GPC6: variants seen among roughly 807,000 people sequenced by gnomAD.
The protein encoded by GPC6 is glypican-6.
In GPC6, 14 loss-of-function variants were observed where a neutral mutation model predicts 55.2. That is an observed-to-expected ratio of 0.25 (90% confidence interval 0.17 to 0.40). The LOEUF is 0.40. GPC6 is among the 10% of genes least tolerant of loss of function. The pLI is 1.00. For synonymous variants in GPC6, 278 were observed against 259.6 expected (o/e 1.07, Z -0.68); for missense variants, 641 against 708.5 (o/e 0.90, Z 1.08).
In GPC6 at chr13:93,557,680, A is replaced by G. The variant is rs571888789; in HGVS notation, c.319+12259A>G. ...TTCCAAGTCCCCCTACAAATAGCAG[A>G]TTAGCAATCAGTGAAAACCTTCTGT... On this transcript the variant is annotated intron_variant, in intron 2 of 8. Coordinates refer to ENST00000377047, the MANE Select transcript of GPC6 (RefSeq NM_005708.5). 9.2e-5 allele frequency among the ~76,000 whole-genome samples: 14 copies of G among 152,308 alleles called. No homozygotes were observed. The South Asian group carries it at 2.7e-3, about 29-fold the overall frequency.
At chr13:93,578,649 T>C (rs950540906) in intron 2 of GPC6, among the ~76,000 whole-genome samples, 1 of 151,750 alleles carries the variant, frequency 6.6e-6, no homozygotes, top group Non-Finnish European at 1.5e-5. Context: ...TTTTGTTTTT[T>C]TTTTCCTGCA....
At chr13:93,512,496 G>A (rs1584148) in intron 1 of GPC6, among the ~76,000 whole-genome samples, 56,697 of 151,960 alleles carry the variant, frequency 0.37, 13,053 homozygotes, top group Middle Eastern at 0.57. Context: ...CATCCTTGCA[G>A]TCCTGCTATA....
At chr13:93,608,093 G>A (rs1878321798) in intron 2 of GPC6, among the ~76,000 whole-genome samples, 1 of 152,022 alleles carries the variant, frequency 6.6e-6, no homozygotes, top group Admixed American at 6.6e-5. Flanking sequence ...TTTTCAATGA[G>A]CTTGACTGAT....
chr13:93,996,928 G>A (rs1370640762), intron 3 of GPC6, among the ~76,000 whole-genome samples: 2 of 152,146 alleles, frequency 1.3e-5, no homozygotes, highest in Non-Finnish European at 2.9e-5. Context: ...TGGCCACTAA[G>A]TTTTGAATGA....
chr13:94,281,259 C>T (rs1465752168), intron 4 of GPC6, among the ~76,000 whole-genome samples: 3 of 152,048 alleles, frequency 2.0e-5, no homozygotes, highest in Non-Finnish European at 4.4e-5. Flanking sequence ...TATACATGTG[C>T]CATGGTGGTT....
In GPC6 at chr13:94,349,940, T is replaced by C. The variant is rs997769138; in HGVS notation, c.1153-32474T>C. Reference sequence around the variant, plus strand: ...AAATTTCCCGAAATCCAAGGGAAGATGTTCCCAACAATTCGAGTTTGTTGA... The same window carrying C: ...AAATTTCCCGAAATCCAAGGGAAGACGTTCCCAACAATTCGAGTTTGTTGA... On this transcript the variant is annotated intron_variant, in intron 6 of 8. Coordinates refer to ENST00000377047, the MANE Select transcript of GPC6 (RefSeq NM_005708.5). 1.4e-4 allele frequency among the ~76,000 whole-genome samples: 22 copies of C among 152,158 alleles called. 1 individual carries two copies. Among genetic ancestry groups the C allele is most frequent in the Admixed American group, 6.5e-5 (1 of 15,272 alleles).
chr13:93,835,483 G>C (rs1200698566), intron 3 of GPC6, among the ~76,000 whole-genome samples: 1 of 151,940 alleles, frequency 6.6e-6, no homozygotes, highest in Non-Finnish European at 1.5e-5. Flanking sequence ...GCCAGGCGCA[G>C]GGCTCACACC....
intron 3 of GPC6, among the ~76,000 whole-genome samples, chr13:93,951,688 A>G (rs1321180112): frequency 6.6e-6 from 1 of 152,162 alleles, no homozygotes; most frequent in Non-Finnish European, 1.5e-5. Flanking sequence ...TGGTTATAAT[A>G]ATTATGACAA....
intron 6 of GPC6, among the ~76,000 whole-genome samples, chr13:94,311,357 C>T (rs982638787): frequency 2.6e-5 from 4 of 152,078 alleles, no homozygotes; most frequent in Admixed American, 6.6e-5. Flanking sequence ...TTAGTAGAGA[C>T]GGAGTTTCAC....
intron 2 of GPC6, among the ~76,000 whole-genome samples, chr13:93,738,120 T>A (rs1016139819): frequency 6.6e-6 from 1 of 152,212 alleles, no homozygotes; most frequent in Non-Finnish European, 1.5e-5. Context: ...AAATGCAATC[T>A]AAGTTAAGGA....
chr13:93,390,847 C>T (rs1413335021), intron 1 of GPC6, among the ~76,000 whole-genome samples: 4 of 149,864 alleles, frequency 2.7e-5, no homozygotes. Context: ...TTCTTTGTTT[C>T]CTTATAAGGG....
intron 4 of GPC6, among the ~76,000 whole-genome samples, chr13:94,115,718 C>T (rs778462444): frequency 6.6e-5 from 10 of 152,064 alleles, no homozygotes; most frequent in Non-Finnish European, 8.8e-5. Flanking sequence ...CACAAACCTA[C>T]GAACATTTCT....
At chr13:93,794,815 G>A (rs571146436) in intron 2 of GPC6, among the ~76,000 whole-genome samples, 2 of 152,294 alleles carry the variant, frequency 1.3e-5, no homozygotes, top group African/African-American at 4.8e-5. Flanking sequence ...GATTCACTCA[G>A]TAAATGTGAA....
intron 1 of GPC6, among the ~76,000 whole-genome samples, chr13:93,301,320 G>T (rs1364443258): frequency 6.6e-6 from 1 of 152,100 alleles, no homozygotes; most frequent in Admixed American, 6.5e-5. Context: ...ATGTGCTACT[G>T]GTCCTTCCTG....
At chr13:93,489,844 T>C (rs1879890649) in intron 1 of GPC6, among the ~76,000 whole-genome samples, 1 of 151,666 alleles carries the variant, frequency 6.6e-6, no homozygotes, top group South Asian at 2.1e-4. Flanking sequence ...CTGGAGTTGC[T>C]TATCAGCTTA....
At chr13:93,555,806 C>A (rs1000151870) in intron 2 of GPC6, among the ~76,000 whole-genome samples, 1 of 152,144 alleles carries the variant, frequency 6.6e-6, no homozygotes, top group African/African-American at 2.4e-5. Flanking sequence ...GGGTTCAACA[C>A]CAGAGATGAC....
chr13:94,391,396 C>T (rs1880637455), intron 7 of GPC6, among the ~76,000 whole-genome samples: 1 of 152,090 alleles, frequency 6.6e-6, no homozygotes, highest in East Asian at 1.9e-4. Context: ...ACAGGTGACC[C>T]AGTCATACAT....
chr13:93,286,593 A>T (rs966009117), intron 1 of GPC6, among the ~76,000 whole-genome samples: 1 of 152,164 alleles, frequency 6.6e-6, no homozygotes, highest in African/African-American at 2.4e-5. Context: ...TTGTGTTCTG[A>T]TAATTTTTAC....
At chr13:94,227,017 T>C (rs1182968335) in intron 4 of GPC6, among the ~76,000 whole-genome samples, 1 of 152,116 alleles carries the variant, frequency 6.6e-6, no homozygotes, top group Non-Finnish European at 1.5e-5. Flanking sequence ...GAATCAAACT[T>C]CTTCAGCTGT....
Sources: allele counts gnomAD v4.1 joint callset (sites outside exome capture counted in the v4.1 genomes callset), GRCh38; gene constraint gnomAD v4.1.1; transcripts MANE v1.5; gene names NCBI Gene and HGNC (gene_info 2026-07-23, HGNC 2026-07-21).